ITGA9: variants seen among roughly 807,000 people sequenced by gnomAD.
The protein encoded by ITGA9 is integrin alpha-9.
In ITGA9, 56 loss-of-function variants were observed where a neutral mutation model predicts 127.8. The observed-to-expected ratio is 0.44, with a 90% CI of 0.35 to 0.55. The LOEUF (loss-of-function observed/expected upper bound fraction) is 0.55, where lower values mean the gene tolerates loss of function less well. Among genes scored for constraint, ITGA9 ranks in the 20% least tolerant of loss-of-function variants. The probability of loss-of-function intolerance (pLI) is 0.00; values close to 1 mark genes in which losing one functional copy is unlikely to be tolerated. For synonymous variants in ITGA9, 508 were observed against 514.5 expected (o/e 0.99, Z 0.17); for missense variants, 1,196 against 1,347.1 (o/e 0.89, Z 1.76).
intron 18 of ITGA9, among the ~76,000 whole-genome samples, chr3:37,707,914 A>T (rs1331949985): frequency 6.6e-6 from 1 of 152,140 alleles, no homozygotes; most frequent in Non-Finnish European, 1.5e-5. Flanking sequence ...GAGTGACCAC[A>T]TCATCATGGC....
rs1484691239 is a variant in ITGA9, at chr3:37,814,993, C to A, written c.3010-3898C>A. Among the ~76,000 whole-genome samples, 2 of 152,166 alleles carry A rather than the reference C, an allele frequency of 1.3e-5. No homozygotes were observed. Among genetic ancestry groups the A allele is most frequent in the African/African-American group, 4.8e-5 (2 of 41,444 alleles). Reference sequence around the variant, plus strand: ...GTTAGGAACAGGACTGGAGACCCTGCAGTGTTAGAGTGGGGCATAGAGCTT... The same window carrying A: ...GTTAGGAACAGGACTGGAGACCCTGAAGTGTTAGAGTGGGGCATAGAGCTT... On this transcript the variant is annotated intron_variant, in intron 27 of 27. Transcript: ENST00000264741. This position sits in a 1 kb window ranked among gnomAD's most constrained non-coding sequence, Gnocchi z 4.3.
intron 27 of ITGA9, among the ~76,000 whole-genome samples, chr3:37,805,616 G>T (rs1426420175): frequency 6.6e-6 from 1 of 152,062 alleles, no homozygotes; most frequent in East Asian, 1.9e-4. Flanking sequence ...CCTAGAAATA[G>T]AATTGCCATC....
chr3:37,634,321 AAAAAAAC>A (rs1255978278), intron 16 of ITGA9, among the ~76,000 whole-genome samples: 1 of 151,860 alleles, frequency 6.6e-6, no homozygotes, highest in Non-Finnish European at 1.5e-5. Flanking sequence ...ATTTAAAAAA[AAAAAAAC>A]AAAAAACAAG....
intron 23 of ITGA9, among the ~76,000 whole-genome samples, chr3:37,754,273 A>T (rs1696624495): frequency 6.6e-6 from 1 of 152,212 alleles, no homozygotes; most frequent in Non-Finnish European, 1.5e-5. Context: ...TCAGACTGCA[A>T]GCTTCACTTG....
At chr3:37,715,239 G>A (rs1701122006) in intron 18 of ITGA9, among the ~76,000 whole-genome samples, 2 of 152,112 alleles carry the variant, frequency 1.3e-5, no homozygotes, top group African/African-American at 4.8e-5. Flanking sequence ...GAGCCTAATA[G>A]CAATAACCAT....
chr3:37,581,954 G>A (rs1024310192), intron 15 of ITGA9, among the ~76,000 whole-genome samples: 1 of 152,176 alleles, frequency 6.6e-6, no homozygotes, highest in African/African-American at 2.4e-5. Context: ...TGTCCTGGAG[G>A]TAAGCAGCCC....
intron 17 of ITGA9, among the ~76,000 whole-genome samples, chr3:37,665,147 A>AT (rs1239918731): frequency 3.3e-5 from 5 of 150,490 alleles, no homozygotes; most frequent in African/African-American, 4.9e-5. Flanking sequence ...TAATTTTTGT[A>AT]TTTTTTTAGT....
At chr3:37,763,377 C>A (rs1399333237) in intron 23 of ITGA9, among the ~76,000 whole-genome samples, 1 of 152,144 alleles carries the variant, frequency 6.6e-6, no homozygotes, top group Non-Finnish European at 1.5e-5. Context: ...CTTGCCAAGT[C>A]TATGTCTTTT....
intron 18 of ITGA9, among the ~76,000 whole-genome samples, chr3:37,684,314 A>G (rs1413268722): frequency 1.3e-5 from 2 of 152,134 alleles, no homozygotes; most frequent in Non-Finnish European, 2.9e-5. Context: ...CTTGGAGATG[A>G]TACAGTTGCT....
At chr3:37,680,845 G>T (rs1042555563) in intron 17 of ITGA9, among the ~76,000 whole-genome samples, 2 of 152,310 alleles carry the variant, frequency 1.3e-5, no homozygotes, top group South Asian at 4.1e-4. Flanking sequence ...AGATTAAAAT[G>T]GCCAACAATA....
intron 26 of ITGA9, among the ~76,000 whole-genome samples, chr3:37,800,036 G>A (rs1697216789): frequency 6.6e-6 from 1 of 152,194 alleles, no homozygotes; most frequent in South Asian, 2.1e-4. Context: ...CCAAAGCATG[G>A]AGCACGCATC....
At chr3:37,523,800 A>T (rs1699067672) in intron 12 of ITGA9, among the ~76,000 whole-genome samples, 189 bp downstream of exon 12, 1 of 152,200 alleles carries the variant, frequency 6.6e-6, no homozygotes, top group Non-Finnish European at 1.5e-5. Flanking sequence ...TTGGGGTTTT[A>T]AACTGATCTA....
In ITGA9 at chr3:37,710,378, C is replaced by T. The variant is rs542116927; in HGVS notation, c.2068-22334C>T. Among the ~76,000 whole-genome samples the T allele has an allele frequency of 8.2e-4, 119 of 144,768 alleles. No individual in the cohort carries two copies. The Middle Eastern group carries it at 0.011, about 13-fold the overall frequency. The allele number at this position is 144,768 out of a possible 152,430, so 95.0% of individuals were successfully genotyped here. On this transcript the variant is annotated intron_variant, in intron 18 of 27. Coordinates refer to ENST00000264741, the MANE Select transcript of ITGA9 (RefSeq NM_002207.3). ...CTGATCCCCGACATCGAGAAACTGA[C>T]GGTGTTGTCAAGAAATAAATATCCC...
rs538760720 is a variant in ITGA9 at position 37,528,656 on chromosome 3, T to C, written c.1373+2585T>C. On this transcript the variant is annotated intron_variant, in intron 13 of 27. Coordinates refer to ENST00000264741, the MANE Select transcript of ITGA9 (RefSeq NM_002207.3). ...CTTAGATTATAGCCAGAGAGCCATA[T>C]GCAAGTGAATAATAATGCAACCAAT... is the stretch of plus-strand genomic sequence containing the variant. Among the ~76,000 whole-genome samples the C allele has an allele frequency of 2.0e-5, 3 of 152,324 alleles. No individual in the cohort carries two copies. The South Asian group carries it at 6.2e-4, about 32-fold the overall frequency.
intron 15 of ITGA9, among the ~76,000 whole-genome samples, chr3:37,568,422 G>A (rs1460971110): frequency 6.6e-6 from 1 of 152,200 alleles, no homozygotes. Flanking sequence ...TTGTCATGGC[G>A]ATTAACATTT....
At chr3:37,694,767 G>T (rs1372568375) in intron 18 of ITGA9, among the ~76,000 whole-genome samples, 1 of 152,122 alleles carries the variant, frequency 6.6e-6, no homozygotes, top group Non-Finnish European at 1.5e-5. Flanking sequence ...GGGAAAGGGG[G>T]GAGTCTTGGA....
At chr3:37,613,537 A>G (rs923608722) in intron 15 of ITGA9, among the ~76,000 whole-genome samples, 2 of 152,248 alleles carry the variant, frequency 1.3e-5, no homozygotes, top group South Asian at 2.1e-4. Context: ...AGGAATCACC[A>G]CACTGACTTC....
chr3:37,474,659 T>C (rs1422762204), intron 3 of ITGA9, among the ~76,000 whole-genome samples: 1 of 152,226 alleles, frequency 6.6e-6, no homozygotes, highest in Non-Finnish European at 1.5e-5. Flanking sequence ...TGACATAGGC[T>C]TTCTCTTGCC....
chr3:37,612,492 C>G (rs541664946), intron 15 of ITGA9, among the ~76,000 whole-genome samples: 1 of 152,098 alleles, frequency 6.6e-6, no homozygotes, highest in South Asian at 2.1e-4. Context: ...TTTCTATCGA[C>G]GGTAGAGTCA....
Sources: allele counts gnomAD v4.1 joint callset (sites outside exome capture counted in the v4.1 genomes callset), GRCh38; gene constraint gnomAD v4.1.1; non-coding constraint Gnocchi (gnomAD v3.1); transcripts MANE v1.5; gene names NCBI Gene and HGNC (gene_info 2026-07-23, HGNC 2026-07-21).